The following RSRC1 variants were observed in gnomAD, a reference collection of about 807,000 sequenced individuals.
The protein encoded by RSRC1 is serine/Arginine-related protein 53.
A neutral mutation model predicts 49.1 loss-of-function variants in RSRC1; 39 were observed. The ratio of observed to expected loss-of-function variants is 0.79; its 90% CI spans 0.61 to 1.04. RSRC1 has a LOEUF of 1.04. Among genes scored for constraint, RSRC1 ranks in the 50% least tolerant of loss-of-function variants. The pLI is 0.00. For missense variants in RSRC1, 388 were observed against 402.4 expected (o/e 0.96, Z 0.31); for synonymous variants, 143 against 130.8 (o/e 1.09, Z -0.63).
intron 5 of RSRC1, among the ~76,000 whole-genome samples, chr3:158,328,435 CA>C (rs58220252): frequency 0.31 from 47,238 of 151,880 alleles, 7,592 homozygotes; most frequent in South Asian, 0.41. Context: ...CTGGTGGTGA[CA>C]AAAATCTCTC....
At chr3:158,117,215 C>T (rs1714893873) in intron 1 of RSRC1, among the ~76,000 whole-genome samples, 3 of 152,082 alleles carry the variant, frequency 2.0e-5, no homozygotes, top group Admixed American at 6.6e-5. Flanking sequence ...CTGTATATTC[C>T]TGGTGTCTAA....
intron 4 of RSRC1, among the ~76,000 whole-genome samples, chr3:158,210,983 G>C (rs1721641674): frequency 6.6e-6 from 1 of 152,038 alleles, no homozygotes; most frequent in Non-Finnish European, 1.5e-5. Flanking sequence ...GCTTTAGAAT[G>C]AGAGAAGGTA....
At chr3:158,523,536 T>G (rs1240083865) in intron 7 of RSRC1, among the ~76,000 whole-genome samples, 1 of 152,028 alleles carries the variant, frequency 6.6e-6, no homozygotes, top group Non-Finnish European at 1.5e-5. Context: ...TCTAGACACT[T>G]TTGTAAGCAA....
intron 6 of RSRC1, among the ~76,000 whole-genome samples, chr3:158,374,860 G>A (rs1732270737): frequency 6.6e-6 from 1 of 152,038 alleles, no homozygotes; most frequent in Non-Finnish European, 1.5e-5. Context: ...GAAGGAATAT[G>A]TTAAAACCTA....
chr3:158,264,436 G>A (rs1048037938), intron 4 of RSRC1, among the ~76,000 whole-genome samples: 9 of 152,138 alleles, frequency 5.9e-5, no homozygotes, highest in Admixed American at 5.2e-4. Flanking sequence ...TTATGGCTCA[G>A]AATAGCTCTA....
chr3:158,200,623 A>G (rs562682160), intron 3 of RSRC1, among the ~76,000 whole-genome samples: 31 of 152,098 alleles, frequency 2.0e-4, no homozygotes, highest in Non-Finnish European at 3.7e-4. Context: ...CTTTAAAAGC[A>G]ATCTATTGAC....
At chr3:158,306,057 G>C (rs1418439039) in intron 5 of RSRC1, among the ~76,000 whole-genome samples, 1 of 151,760 alleles carries the variant, frequency 6.6e-6, no homozygotes, top group Non-Finnish European at 1.5e-5. Flanking sequence ...AGAACATTTT[G>C]TCCTTTATCT....
At chr3:158,499,746 G>A (rs575401609) in intron 7 of RSRC1, among the ~76,000 whole-genome samples, 9 of 152,174 alleles carry the variant, frequency 5.9e-5, no homozygotes, top group South Asian at 4.1e-4. Flanking sequence ...TTATTTTATC[G>A]GTTCTAGGAG....
chr3:158,118,462 T>TGTGTGTGCGC (rs1491469875), intron 1 of RSRC1, among the ~76,000 whole-genome samples: 2,586 of 124,584 alleles, frequency 0.021, 73 homozygotes, highest in Non-Finnish European at 0.024. Context: ...TGTGTGTGTG[T>TGTGTGTGCGC]GCGCGTGCGC....
At chr3:158,491,065 A>G (rs1336096806) in intron 7 of RSRC1, among the ~76,000 whole-genome samples, 1 of 152,186 alleles carries the variant, frequency 6.6e-6, no homozygotes, top group East Asian at 1.9e-4. Context: ...TTGCTTTTCA[A>G]TAATTGTCTT....
intron 6 of RSRC1, among the ~76,000 whole-genome samples, chr3:158,410,124 C>T (rs565131233): frequency 6.6e-6 from 1 of 151,970 alleles, no homozygotes; most frequent in Non-Finnish European, 1.5e-5. Context: ...TTAAAAAAAG[C>T]GGGCAATTTT....
chr3:158,439,424 TC>T (rs1300859255), intron 6 of RSRC1, among the ~76,000 whole-genome samples: 1 of 152,078 alleles, frequency 6.6e-6, no homozygotes, highest in African/African-American at 2.4e-5. Context: ...CAAATGTCCA[TC>T]AATGATAGAC....
In RSRC1 at chr3:158,285,035, T is replaced by C. The variant is rs961859407; in HGVS notation, c.495-13004T>C. ...GGTTTTTATGGTTTTAGGTCTGACG[T>C]TTAAGTCTTTAATCCATCTTGAATT... is the stretch of plus-strand genomic sequence containing the variant. On this transcript the variant is annotated intron_variant, in intron 4 of 9. Coordinates refer to ENST00000611884, the MANE Select transcript of RSRC1 (RefSeq NM_001271838.2). 2.0e-5 allele frequency among the ~76,000 whole-genome samples: 3 copies of C among 152,202 alleles called. 1 individual carries two copies. In the South Asian group the frequency reaches 6.2e-4, roughly 31 times the overall value.
chr3:158,182,585 T>G (rs1719688417), intron 3 of RSRC1, among the ~76,000 whole-genome samples: 1 of 152,178 alleles, frequency 6.6e-6, no homozygotes, highest in African/African-American at 2.4e-5. Flanking sequence ...TTCCTTAAAC[T>G]CTCAGAGTTA....
At chr3:158,190,344 C>T (rs1720164905) in intron 3 of RSRC1, among the ~76,000 whole-genome samples, 1 of 151,776 alleles carries the variant, frequency 6.6e-6, no homozygotes, top group African/African-American at 2.4e-5. Flanking sequence ...TCTTTTGGAA[C>T]CTCAACTAGT....
intron 3 of RSRC1, among the ~76,000 whole-genome samples, chr3:158,153,471 C>A (rs115574574): frequency 0.037 from 5,697 of 152,240 alleles, 353 homozygotes; most frequent in African/African-American, 0.13. Flanking sequence ...TAAAGAATGA[C>A]AATGTGGCAT....
At chr3:158,349,497 A>G (rs1396425901) in intron 5 of RSRC1, among the ~76,000 whole-genome samples, 1 of 152,070 alleles carries the variant, frequency 6.6e-6, no homozygotes, top group Non-Finnish European at 1.5e-5. Context: ...GCTCCCACCA[A>G]ATAATTATTA....
At chr3:158,262,018 C>T (rs1169710170) in intron 4 of RSRC1, among the ~76,000 whole-genome samples, 2 of 152,210 alleles carry the variant, frequency 1.3e-5, no homozygotes, top group African/African-American at 2.4e-5. Context: ...ATGGAAAAAT[C>T]GTCTTTCATG....
intron 7 of RSRC1, among the ~76,000 whole-genome samples, chr3:158,502,761 G>A (rs566174184): frequency 5.3e-5 from 8 of 151,846 alleles, no homozygotes; most frequent in Non-Finnish European, 5.9e-5. Context: ...TTCTCCCTTC[G>A]TTTCTTGTAT....
Sources: allele counts gnomAD v4.1 joint callset (sites outside exome capture counted in the v4.1 genomes callset), GRCh38; gene constraint gnomAD v4.1.1; transcripts MANE v1.5; gene names NCBI Gene and HGNC (gene_info 2026-07-23, HGNC 2026-07-21).